The following CFAP96 variants were observed in gnomAD, a reference collection of about 807,000 sequenced individuals.
CFAP96 encodes the protein cilia and flagella associated protein 96, also known as cilia-and flagella-associated protein 96.
the CFAP96 span, among the ~76,000 whole-genome samples, chr4:185,443,337 TATA>T: frequency 0.015 from 546 of 36,108 alleles, 6 homozygotes; most frequent in East Asian, 0.14. Flanking sequence ...TATATATATA[TATA>T]TATTTTTTTT....
chr4:185,413,902 A>C, the CFAP96 span: 72 of 1,559,730 alleles, frequency 4.6e-5, no homozygotes, highest in African/African-American at 7.6e-4. Flanking sequence ...ACAGAAAAAG[A>C]AAAAATGTTG....
chr4:185,435,173 G>T, the CFAP96 span, among the ~76,000 whole-genome samples: 1 of 152,108 alleles, frequency 6.6e-6, no homozygotes, highest in Non-Finnish European at 1.5e-5. Context: ...CTATTTCCTT[G>T]TTGTATTTTA....
At chr4:185,437,975 G>A in the CFAP96 span, among the ~76,000 whole-genome samples, 3 of 151,548 alleles carry the variant, frequency 2.0e-5, no homozygotes, top group Non-Finnish European at 2.9e-5. Flanking sequence ...TTGTTCTTCT[G>A]CATGCACTAT....
At chr4:185,447,282 C>T in the CFAP96 span, among the ~76,000 whole-genome samples, 2 of 151,806 alleles carry the variant, frequency 1.3e-5, no homozygotes, top group Non-Finnish European at 2.9e-5. Flanking sequence ...GCCGGGTTCA[C>T]GCCATTCTCC....
chr4:185,409,360 G>T, the CFAP96 span, among the ~76,000 whole-genome samples: 1 of 152,018 alleles, frequency 6.6e-6, no homozygotes, highest in Non-Finnish European at 1.5e-5. Flanking sequence ...CTGGGTTTTT[G>T]TTTTTATTTT....
the CFAP96 span, chr4:185,444,974 T>G: frequency 6.5e-7 from 1 of 1,549,134 alleles, no homozygotes; most frequent in Non-Finnish European, 8.7e-7. Flanking sequence ...CCTGGTGGAA[T>G]GAAGGCAGGA....
chr4:185,423,052 T>G, the CFAP96 span, among the ~76,000 whole-genome samples: 2 of 152,200 alleles, frequency 1.3e-5, no homozygotes, highest in Admixed American at 1.3e-4. Context: ...AAGGACGGGA[T>G]CTCAGAATAT....
the CFAP96 span, among the ~76,000 whole-genome samples, chr4:185,409,324 T>G: frequency 6.6e-6 from 1 of 152,110 alleles, no homozygotes; most frequent in Non-Finnish European, 1.5e-5. Context: ...GTGCTAAGAA[T>G]GTATATGTCT....
the CFAP96 span, among the ~76,000 whole-genome samples, chr4:185,448,539 AAC>A: frequency 6.6e-6 from 1 of 152,216 alleles, no homozygotes; most frequent in African/African-American, 2.4e-5. Flanking sequence ...TATGTCACTG[AAC>A]CACGATTCCC....
chr4:185,428,165 T>A, the CFAP96 span, among the ~76,000 whole-genome samples: 1,479 of 152,280 alleles, frequency 9.7e-3, 9 homozygotes, highest in Non-Finnish European at 0.014. Flanking sequence ...TTCACTTATG[T>A]ATGCCCAGTG....
the CFAP96 span, among the ~76,000 whole-genome samples, chr4:185,413,426 G>C: frequency 6.6e-6 from 1 of 152,000 alleles, no homozygotes; most frequent in African/African-American, 2.4e-5. Context: ...GTGTGGTTTG[G>C]GTAGACTATG....
chr4:185,429,081 G>A, the CFAP96 span, among the ~76,000 whole-genome samples: 12,441 of 152,140 alleles, frequency 0.082, 883 homozygotes, highest in African/African-American at 0.19. Context: ...CAGTGTAATC[G>A]ATGAGATCTT....
At chr4:185,410,631 G>A in the CFAP96 span, among the ~76,000 whole-genome samples, 56 of 150,592 alleles carry the variant, frequency 3.7e-4, no homozygotes, top group Non-Finnish European at 5.5e-4. Flanking sequence ...CTGGGCAACC[G>A]AGCAAGACTC....
chr4:185,423,149 G>A, the CFAP96 span, among the ~76,000 whole-genome samples: 13 of 152,276 alleles, frequency 8.5e-5, no homozygotes, highest in South Asian at 4.1e-4. Context: ...GTGAGCCACC[G>A]CGCCCAGCTG....
chr4:185,429,547 G>T, the CFAP96 span: 1 of 1,108,930 alleles, frequency 9.0e-7, no homozygotes, highest in Non-Finnish European at 1.3e-6. Context: ...GACGAATAGT[G>T]GGTATTTTCT....
the CFAP96 span, among the ~76,000 whole-genome samples, chr4:185,434,486 G>C: frequency 3.1e-3 from 472 of 151,968 alleles, 3 homozygotes; most frequent in African/African-American, 0.011. Flanking sequence ...GACTCATGTG[G>C]TAATAATTGG....
At chr4:185,430,805 C>T in the CFAP96 span, among the ~76,000 whole-genome samples, 106 of 151,176 alleles carry the variant, frequency 7.0e-4, no homozygotes, top group Middle Eastern at 3.4e-3. Context: ...TGGGAGGCTG[C>T]GGCAGGAAGT....
At chr4:185,413,587 G>A in the CFAP96 span, 7 of 799,726 alleles carry the variant, frequency 8.8e-6, no homozygotes, top group African/African-American at 1.8e-5. Context: ...CTTAAGCAAT[G>A]TCTGTTAACA....
chr4:185,415,626 T>A, the CFAP96 span: 1 of 1,211,692 alleles, frequency 8.3e-7, no homozygotes, highest in African/African-American at 1.5e-5. Context: ...AATCACACCT[T>A]AGGTATACCT....
Sources: gnomAD v4.1 joint callset for allele counts (sites outside exome capture counted in the v4.1 genomes callset) on GRCh38, gnomAD v4.1.1 for gene constraint, MANE v1.5 for transcripts, NCBI Gene and HGNC (gene_info 2026-07-23, HGNC 2026-07-21) for gene names.